Variants in PPP3CA observed in about 807,000 individuals in gnomAD.
PPP3CA encodes the protein protein phosphatase 3 catalytic subunit alpha, also known as CAM-PRP catalytic subunit.
In PPP3CA, 14 loss-of-function variants were observed where a neutral mutation model predicts 66.5. The observed-to-expected ratio is 0.21, with a 90% CI of 0.14 to 0.33. The LOEUF (loss-of-function observed/expected upper bound fraction) is 0.33. Ranked by LOEUF, PPP3CA falls within the 10% of genes least tolerant of loss-of-function variation. The probability of loss-of-function intolerance (pLI) is 1.00; values close to 1 mark genes in which losing one functional copy is unlikely to be tolerated. For missense variants in PPP3CA, 317 were observed against 639.5 expected (o/e 0.50, Z 5.44); for synonymous variants, 232 against 226.2 (o/e 1.03, Z -0.23).
chr4:101,157,882 A>C (rs1305041586), intron 2 of PPP3CA, among the ~76,000 whole-genome samples: 1 of 151,512 alleles, frequency 6.6e-6, no homozygotes, highest in East Asian at 1.9e-4. Flanking sequence ...AAAAAAAAAA[A>C]AAAAAAACCT....
At chr4:101,030,372 G>GGA (rs923865029) in intron 12 of PPP3CA, among the ~76,000 whole-genome samples, 3 of 152,140 alleles carry the variant, frequency 2.0e-5, no homozygotes, top group South Asian at 2.1e-4. Flanking sequence ...TTATCACCAT[G>GGA]GAGAGAGAGA....
intron 6 of PPP3CA, among the ~76,000 whole-genome samples, chr4:101,087,087 C>T (rs1450209943): frequency 1.3e-5 from 2 of 152,176 alleles, no homozygotes; most frequent in African/African-American, 4.8e-5. Flanking sequence ...GATTGTTCAA[C>T]TCCTCCTCTG....
rs549088720 is a variant in PPP3CA at position 101,340,196 on chromosome 4, A to G, written c.58+6543T>C. Among the ~76,000 whole-genome samples, 6 of 152,252 alleles carry G rather than the reference A, an allele frequency of 3.9e-5. No homozygotes were observed. The East Asian group carries it at 1.2e-3, about 29-fold the overall frequency. ...GTTTCCCTCTTTTGCAGACAGACAC[A>G]AGCAAAATTTCCAGTTGCAAGAGAC... On this transcript the variant is annotated intron_variant, in intron 1 of 13. Transcript: ENST00000394854.
At chr4:101,212,535 G>GA (rs1384852887) in intron 1 of PPP3CA, among the ~76,000 whole-genome samples, 1 of 152,042 alleles carries the variant, frequency 6.6e-6, no homozygotes, top group African/African-American at 2.4e-5. Context: ...TAGGTGATGG[G>GA]ATGATCTGTG....
rs566030745 is a variant in PPP3CA, at chr4:101,195,131, G to A, written c.259+785C>T. 7.2e-4 allele frequency among the ~76,000 whole-genome samples: 109 copies of A among 151,978 alleles called. 1 individual carries two copies. The highest frequency in any genetic ancestry group is 2.6e-3 in the African/African-American group (107 of 41,442). ...CTACAAAAATAGAAAAATTAGCCAG[G>A]CATGATGGCACCTATAATCCCAGCT... On this transcript the variant is annotated intron_variant, in intron 2 of 13. Transcript: ENST00000394854.
intron 11 of PPP3CA, among the ~76,000 whole-genome samples, chr4:101,035,892 C>T (rs1422499959): frequency 1.3e-5 from 2 of 152,144 alleles, no homozygotes; most frequent in East Asian, 3.9e-4. Context: ...TGTTGTAATG[C>T]TTTTTTCTCC....
At chr4:101,339,339 T>G (rs1729735464) in intron 1 of PPP3CA, among the ~76,000 whole-genome samples, 1 of 152,190 alleles carries the variant, frequency 6.6e-6, no homozygotes, top group Non-Finnish European at 1.5e-5. Flanking sequence ...GATTAACATA[T>G]TTTTTCTCAT....
intron 1 of PPP3CA, among the ~76,000 whole-genome samples, chr4:101,258,291 A>C (rs1287876468): frequency 6.6e-6 from 1 of 152,150 alleles, no homozygotes; most frequent in Non-Finnish European, 1.5e-5. Context: ...CACTGAGGTA[A>C]GAAACTATGG....
At chr4:101,125,529 A>T (rs1722218745) in intron 2 of PPP3CA, among the ~76,000 whole-genome samples, 1 of 152,152 alleles carries the variant, frequency 6.6e-6, no homozygotes, top group Admixed American at 6.5e-5. Flanking sequence ...GTTTTGGGTC[A>T]TGTGTTCACT....
chr4:101,025,108 G>C lies in PPP3CA; in HGVS notation c.*757C>G, dbSNP rs1413095547. The C allele has an allele frequency of 6.6e-6, 1 of 152,238 alleles. No homozygotes were observed. The highest frequency in any genetic ancestry group is 1.5e-5 in the Non-Finnish European group (1 of 67,960). 9.4% of individuals were successfully genotyped at this position (152,238 alleles called of 1,614,324 possible). A position where few individuals can be genotyped will look rare whatever the true frequency, so the allele number is the denominator to read the frequency against. On this transcript the variant is annotated 3_prime_UTR_variant, in exon 14 of 14. Transcript: ENST00000394854. The stretch of plus-strand genomic sequence containing the variant: ...ACCCCTAAATATAAACGGCAAAAAA[G>C]ATAGATATAATTATTCCAGTTTTTT...
chr4:101,078,012 G>C (rs887712818), intron 8 of PPP3CA, among the ~76,000 whole-genome samples: 2 of 152,014 alleles, frequency 1.3e-5, no homozygotes, highest in African/African-American at 4.8e-5. Context: ...CGTTTTTACT[G>C]TTTTGGTTTT....
chr4:101,224,339 TCTGTTGTACCC>T (rs1473822718), intron 1 of PPP3CA, among the ~76,000 whole-genome samples: 1 of 151,808 alleles, frequency 6.6e-6, no homozygotes, highest in East Asian at 1.9e-4. Flanking sequence ...TTTCTTTCAT[TCTGTTGTACCC>T]CTACTCCTCC....
Position 101,324,468 on chromosome 4 carries a change from C to T in PPP3CA, c.58+22271G>A, listed in dbSNP as rs969098072. 4.6e-5 allele frequency among the ~76,000 whole-genome samples: 7 copies of T among 152,056 alleles called. No individual in the cohort carries two copies. The East Asian group carries it at 7.7e-4, about 17-fold the overall frequency. The stretch of plus-strand genomic sequence containing the variant: ...TGAGTACTCACTAAATGCAGCTAAA[C>T]GAACAAAGTATGTGCCTGGAACTAA... On this transcript the variant is annotated intron_variant, in intron 1 of 13. Transcript: ENST00000394854.
intron 13 of PPP3CA, 130 bp from the exon 14 acceptor site, chr4:101,026,191 G>C (rs1037508358): frequency 2.8e-6 from 2 of 722,682 alleles, no homozygotes; most frequent in African/African-American, 3.6e-5. Flanking sequence ...ACAAAGTGAC[G>C]GGACCTGCAC....
At chr4:101,088,951 TAAACAAAAAAC>T (rs935548696) in intron 6 of PPP3CA, among the ~76,000 whole-genome samples, 1 of 151,974 alleles carries the variant, frequency 6.6e-6, no homozygotes, top group African/African-American at 2.4e-5. Flanking sequence ...GAATGAACAG[TAAACAAAAAAC>T]AAACAAAAAA....
intron 2 of PPP3CA, among the ~76,000 whole-genome samples, chr4:101,161,039 T>A (rs901109696): frequency 6.6e-6 from 1 of 152,092 alleles, no homozygotes; most frequent in Admixed American, 6.5e-5. Flanking sequence ...GATTATAACA[T>A]CATATTTTTA....
intron 1 of PPP3CA, among the ~76,000 whole-genome samples, chr4:101,235,267 T>C (rs1480810689): frequency 6.6e-6 from 1 of 151,854 alleles, no homozygotes; most frequent in Non-Finnish European, 1.5e-5. Context: ...GGAGTAAATT[T>C]AAAGGAGAAT....
Position 101,241,892 on chromosome 4 carries a change from C to A in PPP3CA, c.59-45776G>T, listed in dbSNP as rs534634126. Among the ~76,000 whole-genome samples the A allele has an allele frequency of 6.6e-5, 10 of 152,172 alleles. No individual in the cohort carries two copies. The East Asian group carries it at 1.9e-3, about 29-fold the overall frequency. ...GCTAAGTGTATCTGTACAAATGTTACAGTACATGACCAAAATAGTATTTTC... is the reference window on the plus strand; with the variant it reads ...GCTAAGTGTATCTGTACAAATGTTAAAGTACATGACCAAAATAGTATTTTC... On this transcript the variant is annotated intron_variant, in intron 1 of 13. Coordinates refer to ENST00000394854, the MANE Select transcript of PPP3CA (RefSeq NM_000944.5).
intron 1 of PPP3CA, among the ~76,000 whole-genome samples, chr4:101,343,916 T>C (rs1379746596): frequency 6.6e-6 from 1 of 152,130 alleles, no homozygotes; most frequent in Non-Finnish European, 1.5e-5. Flanking sequence ...CAATTTCTTA[T>C]ACAACAAAAG....
Sources: gnomAD v4.1 joint callset for allele counts (sites outside exome capture counted in the v4.1 genomes callset) on GRCh38, gnomAD v4.1.1 for gene constraint, MANE v1.5 for transcripts, NCBI Gene and HGNC (gene_info 2026-07-23, HGNC 2026-07-21) for gene names.